The following DLC1 variants were observed in gnomAD, a reference collection of about 807,000 sequenced individuals.
The protein encoded by DLC1 is DLC1 Rho GTPase activating protein.
A neutral mutation model predicts 140.3 loss-of-function variants in DLC1; 54 were observed. The observed-to-expected ratio is 0.38, with a 90% confidence interval of 0.31 to 0.48. The LOEUF (loss-of-function observed/expected upper bound fraction) is 0.48. Among genes scored for constraint, DLC1 ranks in the 20% least tolerant of loss-of-function variants. DLC1 has a pLI of 0.96. For missense variants in DLC1, 2,536 were observed against 1,907.0 expected (o/e 1.33, Z -6.14); for synonymous variants, 986 against 728.1 (o/e 1.35, Z -5.70).
chr8:13,113,352 G>A (rs531361325), intron 6 of DLC1, among the ~76,000 whole-genome samples: 7 of 152,236 alleles, frequency 4.6e-5, no homozygotes, highest in South Asian at 2.1e-4. Flanking sequence ...CAGGAAAAAC[G>A]GGGGGAGGCA....
intron 5 of DLC1, among the ~76,000 whole-genome samples, chr8:13,151,181 ATG>A (rs2128977395): frequency 6.6e-6 from 1 of 152,292 alleles, no homozygotes; most frequent in Admixed American, 6.5e-5. Context: ...CATAAAACAT[ATG>A]ATGTTTACAT....
At chr8:13,329,380 C>T (rs1262980628) in intron 4 of DLC1, among the ~76,000 whole-genome samples, 1 of 152,040 alleles carries the variant, frequency 6.6e-6, no homozygotes, top group African/African-American at 2.4e-5. Context: ...GAGTTGTATC[C>T]TAGAATTTAC....
chr8:13,419,704 G>A (rs925870635), intron 2 of DLC1, among the ~76,000 whole-genome samples: 1 of 152,142 alleles, frequency 6.6e-6, no homozygotes, highest in Non-Finnish European at 1.5e-5. Context: ...CCCAGCTTTG[G>A]TATTAGGATG....
chr8:13,505,552 A>G (rs191118619), intron 1 of DLC1, among the ~76,000 whole-genome samples: 2 of 152,366 alleles, frequency 1.3e-5, no homozygotes, highest in African/African-American at 4.8e-5. Flanking sequence ...GCTGATGCAT[A>G]AACACGACTG....
intron 5 of DLC1, among the ~76,000 whole-genome samples, chr8:13,252,987 C>G (rs1041085539): frequency 3.9e-5 from 6 of 152,140 alleles, no homozygotes; most frequent in Non-Finnish European, 7.4e-5. Flanking sequence ...CCTTAAAATA[C>G]ATTATAATGA....
At chr8:13,590,673 G>C (rs1287657861) in intron 1 of DLC1, among the ~76,000 whole-genome samples, 1 of 151,912 alleles carries the variant, frequency 6.6e-6, no homozygotes, top group Admixed American at 6.6e-5. Context: ...CTCTGTATTT[G>C]CATTGTCCAA....
At chr8:13,203,090 C>T (rs2117076151) in intron 5 of DLC1, among the ~76,000 whole-genome samples, 1 of 152,320 alleles carries the variant, frequency 6.6e-6, no homozygotes, top group East Asian at 1.9e-4. Context: ...GCCTCTTCTT[C>T]TGAAAACTAA....
chr8:13,252,352 C>T (rs970562), intron 5 of DLC1, among the ~76,000 whole-genome samples: 60,641 of 151,886 alleles, frequency 0.4, 12,588 homozygotes, highest in East Asian at 0.79. Flanking sequence ...GGGCCACTCA[C>T]GTTTAGGCTT....
At chr8:13,299,873 G>A (rs1430701405) in intron 5 of DLC1, among the ~76,000 whole-genome samples, 1 of 152,120 alleles carries the variant, frequency 6.6e-6, no homozygotes. Flanking sequence ...AAGACACAGT[G>A]GCGATTCCTC....
intron 1 of DLC1, 28 bp from the exon 2 acceptor site, chr8:13,500,224 G>C: frequency 1.6e-6 from 1 of 631,924 alleles, no homozygotes. Context: ...AAAATATGTA[G>C]TCGCAGATAC....
chr8:13,312,008 C>G (rs189562865), intron 4 of DLC1, among the ~76,000 whole-genome samples: 1 of 152,282 alleles, frequency 6.6e-6, no homozygotes, highest in East Asian at 1.9e-4. Flanking sequence ...GTTGAGGCCA[C>G]TTTCATTTGG....
At chr8:13,326,708 C>T (rs1833362162) in intron 4 of DLC1, among the ~76,000 whole-genome samples, 1 of 152,204 alleles carries the variant, frequency 6.6e-6, no homozygotes, top group Admixed American at 6.5e-5. Context: ...TTGGAATCAT[C>T]TACCGGGCCT....
rs547737556 is a variant in DLC1, at chr8:13,319,819, C to CTTT, written c.1315-14518_1315-14517insAAA. ...CCAACCATTGTTTAATTCTCTCTCT[C>CTTT]TCTTTTTTTTTTTTTTTTTTTGAGA... is the stretch of plus-strand genomic sequence containing the variant. On this transcript the variant is annotated intron_variant, in intron 4 of 17. Coordinates refer to ENST00000276297, the MANE Select transcript of DLC1 (RefSeq NM_182643.3). Among the ~76,000 whole-genome samples, 162 of 76,102 alleles carry CTTT rather than the reference C, an allele frequency of 2.1e-3. 19 individuals are homozygous for CTTT. The highest frequency in any genetic ancestry group is 0.032 in the Middle Eastern group (2 of 62). The allele number at this position is 76,102 out of a possible 152,430, so 49.9% of individuals were successfully genotyped here.
intron 1 of DLC1, among the ~76,000 whole-genome samples, chr8:13,528,269 A>G (rs538409053): frequency 6.6e-6 from 1 of 152,288 alleles, no homozygotes; most frequent in South Asian, 2.1e-4. Context: ...CTTGGATAAA[A>G]CAATACACCA....
intron 4 of DLC1, among the ~76,000 whole-genome samples, chr8:13,309,741 T>A (rs1405190945): frequency 6.6e-6 from 1 of 152,074 alleles, no homozygotes; most frequent in Non-Finnish European, 1.5e-5. Flanking sequence ...TGGACACCTT[T>A]TAGGAACTCA....
rs1354777047 is a variant in DLC1 at position 13,084,528 on chromosome 8, G to C, written c.*1283C>G. 2 of 151,968 alleles carry C rather than the reference G, an allele frequency of 1.3e-5. No individual in the cohort carries two copies. Among genetic ancestry groups the C allele is most frequent in the Non-Finnish European group, 1.5e-5 (1 of 67,958 alleles). 9.4% of individuals were successfully genotyped at this position (151,968 alleles called of 1,614,324 possible). On this transcript the variant is annotated 3_prime_UTR_variant, in exon 18 of 18. Coordinates refer to ENST00000276297, the MANE Select transcript of DLC1 (RefSeq NM_182643.3). ...GGTTCTAAAAAACTTCACTGGTTTG[G>C]GTTGGTTTTCTTCTTGTTGCGTTTT...
At chr8:13,194,824 A>G (rs1216790870) in intron 5 of DLC1, among the ~76,000 whole-genome samples, 4 of 152,114 alleles carry the variant, frequency 2.6e-5, no homozygotes, top group African/African-American at 7.2e-5. Context: ...CTTGGGCAAC[A>G]TAGAGAGACC....
intron 5 of DLC1, among the ~76,000 whole-genome samples, chr8:13,144,680 G>A (rs1192730414): frequency 6.6e-6 from 1 of 152,170 alleles, no homozygotes; most frequent in Admixed American, 6.5e-5. Flanking sequence ...CAGGAGAATG[G>A]TGTGAACCAG....
At chr8:13,594,448 C>T (rs1292681786) in intron 1 of DLC1, among the ~76,000 whole-genome samples, 1 of 152,086 alleles carries the variant, frequency 6.6e-6, no homozygotes, top group Admixed American at 6.6e-5. Context: ...TATCTATCCT[C>T]ATTTTATTGG....
Sources: allele counts gnomAD v4.1 joint callset (sites outside exome capture counted in the v4.1 genomes callset), GRCh38; gene constraint gnomAD v4.1.1; transcripts MANE v1.5; gene names NCBI Gene and HGNC (gene_info 2026-07-23, HGNC 2026-07-21).